Variants in BBS4 observed in about 807,000 individuals in gnomAD.
The protein encoded by BBS4 is BBSome complex member BBS4.
A neutral mutation model predicts 71.4 loss-of-function variants in BBS4; 58 were observed. That is an observed-to-expected ratio of 0.81 (90% confidence interval 0.66 to 1.01). The LOEUF is 1.01. BBS4 is among the 50% of genes least tolerant of loss of function. The pLI is 0.00. For synonymous variants in BBS4, 228 were observed against 216.8 expected, an observed-to-expected ratio of 1.05 and a Z score of -0.46; for missense variants, 660 against 607.9, an observed-to-expected ratio of 1.09 and a Z score of -0.90.
At chr15:72,725,532 C>T (rs1008322538) in intron 8 of BBS4, among the ~76,000 whole-genome samples, 50 of 152,254 alleles carry the variant, frequency 3.3e-4, no homozygotes, top group African/African-American at 1.2e-3. Flanking sequence ...ATTTTGGTAT[C>T]ATATGTTAAT....
rs1024828034 is a variant in BBS4 at position 72,687,833 on chromosome 15, A to G, written c.24+1582A>G. On this transcript the variant is annotated intron_variant, in intron 1 of 15. Coordinates refer to ENST00000268057, the MANE Select transcript of BBS4 (RefSeq NM_033028.5). ...GTAATCCCAGCTACTAGGGAGGCTGAGGCAGGAGAATCGCTTAGAACCCAG... is the reference window on the plus strand; with the variant it reads ...GTAATCCCAGCTACTAGGGAGGCTGGGGCAGGAGAATCGCTTAGAACCCAG... Among the ~76,000 whole-genome samples, 3 of 150,960 alleles carry G rather than the reference A, an allele frequency of 2.0e-5. No individual in the cohort carries two copies. The East Asian group carries it at 5.9e-4, about 30-fold the overall frequency.
intron 3 of BBS4, among the ~76,000 whole-genome samples, chr15:72,710,334 G>A (rs899988995): frequency 1.3e-5 from 2 of 150,494 alleles, no homozygotes; most frequent in African/African-American, 4.9e-5. Flanking sequence ...CCCAGTAGAT[G>A]GGACTACAGA....
intron 10 of BBS4, among the ~76,000 whole-genome samples, chr15:72,729,961 A>G (rs1231758804): frequency 4.6e-5 from 7 of 152,196 alleles, no homozygotes; most frequent in Non-Finnish European, 4.4e-5. Context: ...GAAATTAGCA[A>G]TGCCTCCACA....
chr15:72,732,229 T>A (rs567253213), intron 12 of BBS4, among the ~76,000 whole-genome samples: 3 of 152,332 alleles, frequency 2.0e-5, no homozygotes, highest in Non-Finnish European at 2.9e-5. Flanking sequence ...ATCAATATTG[T>A]TGTTACTATA....
intron 1 of BBS4, among the ~76,000 whole-genome samples, chr15:72,691,825 C>T (rs896144499): frequency 2.0e-5 from 3 of 151,986 alleles, no homozygotes; most frequent in Non-Finnish European, 2.9e-5. Flanking sequence ...TAGCAGGATG[C>T]GGTGCTGCGC....
At chr15:72,717,073 C>G (rs913901342) in intron 6 of BBS4, 1 of 552,118 alleles carries the variant, frequency 1.8e-6, no homozygotes. Context: ...CGAGCAGTCT[C>G]TTACCAGTCT....
At chr15:72,719,853 G>A (rs1321846248) in intron 6 of BBS4, among the ~76,000 whole-genome samples, 5 of 149,946 alleles carry the variant, frequency 3.3e-5, no homozygotes, top group African/African-American at 4.9e-5. Context: ...GGGTTCAAGC[G>A]ATTCTCCTCC....
chr15:72,717,706 AAG>A (rs765173233), intron 6 of BBS4, among the ~76,000 whole-genome samples: 4 of 152,170 alleles, frequency 2.6e-5, no homozygotes, highest in Non-Finnish European at 5.9e-5. Flanking sequence ...AGTAAGGAAA[AAG>A]AGAAGAGTAG....
intron 13 of BBS4, 149 bp downstream of exon 13, chr15:72,735,331 G>A (rs2065901201): frequency 1.0e-5 from 7 of 691,656 alleles, no homozygotes; most frequent in Non-Finnish European, 1.6e-5. Flanking sequence ...GGAGGGATGT[G>A]TCTCCTAAGT....
intron 7 of BBS4, among the ~76,000 whole-genome samples, chr15:72,724,108 T>A (rs1051516781): frequency 2.0e-5 from 3 of 152,232 alleles, no homozygotes; most frequent in Non-Finnish European, 4.4e-5. Flanking sequence ...ACAATCTATT[T>A]ATTCATTTAT....
chr15:72,725,057 T>TATATAGAG lies in BBS4; in HGVS notation c.587+403_587+404insTATAGAGA, dbSNP rs369692212. ...ATCTGGCTATATATATATATATATA[T>TATATAGAG]AGAGAGAGAGAGAGAGAGAGAGAGA... On this transcript the variant is annotated intron_variant, in intron 8 of 15. Coordinates refer to ENST00000268057, the MANE Select transcript of BBS4 (RefSeq NM_033028.5). Among the ~76,000 whole-genome samples the TATATAGAG allele has an allele frequency of 1.5e-3, 188 of 127,656 alleles. 3 individuals carry two copies. In the Middle Eastern group the frequency reaches 0.027, roughly 19 times the overall value. 83.7% of individuals were successfully genotyped at this position (127,656 alleles called of 152,430 possible).
In BBS4 at chr15:72,695,190, C is replaced by A; in HGVS notation, c.38C>A (p.Pro13His). Reference sequence around the variant, plus strand: ...ATTTCATTTCAGAGAACTCAATTTCCTGTATCTACTGAGTCTCAAAAACCC... The same window carrying A: ...ATTTCATTTCAGAGAACTCAATTTCATGTATCTACTGAGTCTCAAAAACCC... Reference protein sequence around the residue: ...EERVATRTQFPVSTESQKPRQ... With the variant: ...EERVATRTQFHVSTESQKPRQ... The change falls in exon 2 of 16, where the codon CCT becomes CAT. Residue 13 changes from proline (P) to histidine (H), a missense_variant. Coordinates refer to ENST00000268057, the MANE Select transcript of BBS4 (RefSeq NM_033028.5). The A allele has an allele frequency of 1.9e-6, 3 of 1,606,874 alleles. No individual in the cohort carries two copies. Among genetic ancestry groups the A allele is most frequent in the Non-Finnish European group, 2.6e-6 (3 of 1,173,770 alleles).
intron 8 of BBS4, among the ~76,000 whole-genome samples, chr15:72,725,004 G>A (rs1834455413): frequency 6.7e-6 from 1 of 149,944 alleles, no homozygotes; most frequent in Admixed American, 6.7e-5. Context: ...GGAAGGAGAT[G>A]GTTTGGGAAG....
At chr15:72,729,297 C>T (rs1423179315) in intron 9 of BBS4, among the ~76,000 whole-genome samples, 2 of 135,696 alleles carry the variant, frequency 1.5e-5, no homozygotes, top group African/African-American at 5.6e-5. Context: ...TTTGCCTAGG[C>T]TAGAGTGCAA....
At chr15:72,703,536 T>C (rs1808885851) in intron 2 of BBS4, among the ~76,000 whole-genome samples, 1 of 152,198 alleles carries the variant, frequency 6.6e-6, no homozygotes, top group Admixed American at 6.5e-5. Flanking sequence ...CATGAGGAAA[T>C]TAACATTTAT....
chr15:72,738,449 C>CATA lies in BBS4; in HGVS notation c.*867_*869dup. The stretch of plus-strand genomic sequence containing the variant: ...TTATTCAGGTATAAAAACAAGAGAT[C>CATA]ATAATAAAAACCTAAAAGAACCTAT... On this transcript the variant is annotated 3_prime_UTR_variant, in exon 16 of 16. Coordinates refer to ENST00000268057, the MANE Select transcript of BBS4 (RefSeq NM_033028.5). 2 of 367,932 alleles carry CATA rather than the reference C, an allele frequency of 5.4e-6. No individual in the cohort carries two copies. Among genetic ancestry groups the CATA allele is most frequent in the Non-Finnish European group, 1.1e-5 (2 of 190,316 alleles). The allele number at this position is 367,932 out of a possible 1,614,324, so 22.8% of individuals were successfully genotyped here. A position where few individuals can be genotyped will look rare whatever the true frequency, so the allele number is the denominator to read the frequency against.
chr15:72,710,318 A>T (rs1263940443), intron 3 of BBS4, among the ~76,000 whole-genome samples: 1 of 145,910 alleles, frequency 6.9e-6, no homozygotes, highest in Admixed American at 7.2e-5. Context: ...CTTCTGCCTC[A>T]GCCTCCCCAG....
At chr15:72,716,114 A>C (rs567296735) in intron 5 of BBS4, among the ~76,000 whole-genome samples, 2 of 152,240 alleles carry the variant, frequency 1.3e-5, no homozygotes, top group South Asian at 4.1e-4. Context: ...TGCATTTTTG[A>C]ATTACAGTGT....
chr15:72,719,406 C>T (rs1210107569), intron 6 of BBS4, among the ~76,000 whole-genome samples: 1 of 151,924 alleles, frequency 6.6e-6, no homozygotes, highest in East Asian at 1.9e-4. Flanking sequence ...AGGTGCAAGC[C>T]ACCATGCCTG....
Sources: gnomAD v4.1 joint callset for allele counts (sites outside exome capture counted in the v4.1 genomes callset) on GRCh38, gnomAD v4.1.1 for gene constraint, MANE v1.5 for transcripts, NCBI Gene and HGNC (gene_info 2026-07-23, HGNC 2026-07-21) for gene names.